SERGEF: variants seen among roughly 807,000 people sequenced by gnomAD.
SERGEF encodes the protein secretion-regulating guanine nucleotide exchange factor.
SERGEF carries 51 observed loss-of-function variants against 50.0 expected under a neutral mutation model. The ratio of observed to expected loss-of-function variants is 1.02; its 90% CI spans 0.81 to 1.29. The LOEUF is 1.29. Ranked by LOEUF, SERGEF falls within the 50% of genes most tolerant of loss-of-function variation. The pLI is 0.00. For missense variants in SERGEF, 521 were observed against 557.0 expected (o/e 0.94, Z 0.65); for synonymous variants, 205 against 212.4 (o/e 0.97, Z 0.30).
At chr11:17,827,355 C>A (rs1486353389) in intron 10 of SERGEF, among the ~76,000 whole-genome samples, 2 of 152,158 alleles carry the variant, frequency 1.3e-5, no homozygotes, top group Admixed American at 6.5e-5. Context: ...ACAGAGAACA[C>A]AAAGTAAGCT....
Position 17,788,153 on chromosome 11 carries a change from A to G in SERGEF, c.1309T>C (p.Trp437Arg). Residue 437 changes from tryptophan to arginine, a missense_variant, in exon 11 of 11, where the codon TGG (tryptophan) becomes CGG (arginine). Transcript: ENST00000265965. ...GAAGTTTCTGATTGTCTTTCCTTCCAGTTTCTCTCTTTGTCCATGGCTTTC... is the reference window on the plus strand; with the variant it reads ...GAAGTTTCTGATTGTCTTTCCTTCCGGTTTCTCTCTTTGTCCATGGCTTTC... The part of the protein sequence containing the change: ...SQKAMDKERN[W>R]KERQSETSTQ... The G allele has an allele frequency of 2.5e-6, 4 of 1,584,854 alleles. No homozygotes were observed. The highest frequency in any genetic ancestry group is 1.3e-5 in the African/African-American group (1 of 74,284).
intron 9 of SERGEF, among the ~76,000 whole-genome samples, chr11:17,920,494 A>C (rs1852133939): frequency 6.6e-6 from 1 of 152,214 alleles, no homozygotes; most frequent in South Asian, 2.1e-4. Context: ...TGTGCTCAAT[A>C]AATTCAATGA....
chr11:17,877,441 A>T (rs1293738774), intron 10 of SERGEF, among the ~76,000 whole-genome samples: 1 of 152,250 alleles, frequency 6.6e-6, no homozygotes, highest in African/African-American at 2.4e-5. Flanking sequence ...TGTGCTTTAC[A>T]TAACTTATCC....
chr11:17,940,036 C>G (rs1852531567), intron 9 of SERGEF, among the ~76,000 whole-genome samples: 1 of 152,094 alleles, frequency 6.6e-6, no homozygotes, highest in African/African-American at 2.4e-5. Context: ...CCAGAAAAAC[C>G]TTTCTAATAA....
chr11:18,006,988 G>A (rs1225623405), intron 2 of SERGEF, among the ~76,000 whole-genome samples: 1 of 152,192 alleles, frequency 6.6e-6, no homozygotes, highest in Non-Finnish European at 1.5e-5. Context: ...ACCAAACTGA[G>A]CATCTACTGG....
chr11:17,995,331 G>C (rs960566179), intron 6 of SERGEF, among the ~76,000 whole-genome samples: 5 of 152,190 alleles, frequency 3.3e-5, no homozygotes, highest in Admixed American at 1.3e-4. Flanking sequence ...TGGTCCTCCT[G>C]GGTTCCCTCT....
rs185302502 is a variant in SERGEF at position 17,796,090 on chromosome 11, C to T, written c.1049-7677G>A. Among the ~76,000 whole-genome samples the T allele has an allele frequency of 2.2e-3, 333 of 152,270 alleles. 1 individual carries two copies. Among genetic ancestry groups the T allele is most frequent in the Non-Finnish European group, 3.3e-3 (224 of 68,020 alleles). On this transcript the variant is annotated intron_variant, in intron 10 of 10. Transcript: ENST00000265965. ...AATTGAGAACAGTCTCTGACAAAGACAGGGAGAAATGGGGGAAGGGTGACC... is the reference window on the plus strand; with the variant it reads ...AATTGAGAACAGTCTCTGACAAAGATAGGGAGAAATGGGGGAAGGGTGACC...
At position 17,897,155 on chromosome 11, in the gene SERGEF, G is replaced by T. The variant is rs138578034; in HGVS notation, c.1012-18911C>A. Among the ~76,000 whole-genome samples the T allele has an allele frequency of 5.1e-3, 772 of 152,296 alleles. 4 individuals are homozygous for T. The highest frequency in any genetic ancestry group is 0.017 in the Middle Eastern group (5 of 294). On this transcript the variant is annotated intron_variant, in intron 9 of 10. Transcript: ENST00000265965. ...GACCATTGCTGGGTTTGAAGATGTG[G>T]TGCTACATAAAAGAACTGGAGAGCA...
At chr11:17,941,691 G>A (rs1187130256) in intron 9 of SERGEF, among the ~76,000 whole-genome samples, 1 of 152,122 alleles carries the variant, frequency 6.6e-6, no homozygotes, top group African/African-American at 2.4e-5. Flanking sequence ...TATTTTTAAT[G>A]CTCTGAGGAA....
intron 9 of SERGEF, chr11:17,926,636 C>T (rs1050684346): frequency 4.9e-6 from 2 of 406,488 alleles, no homozygotes; most frequent in African/African-American, 2.1e-5. Flanking sequence ...GAAACCATGC[C>T]CTCCTTTATG....
At chr11:17,841,801 CCTT>C (rs1325813055) in intron 10 of SERGEF, among the ~76,000 whole-genome samples, 1 of 152,188 alleles carries the variant, frequency 6.6e-6, no homozygotes, top group Admixed American at 6.5e-5. Flanking sequence ...ATCATATTGA[CCTT>C]CTCACTTCTT....
At chr11:17,980,074 G>A (rs1034910165) in intron 8 of SERGEF, among the ~76,000 whole-genome samples, 7 of 152,192 alleles carry the variant, frequency 4.6e-5, no homozygotes, top group African/African-American at 1.4e-4. Flanking sequence ...CCAAGTGCAG[G>A]GGAGCGGGAG....
chr11:17,803,971 G>C (rs1034657962), intron 10 of SERGEF, among the ~76,000 whole-genome samples: 1 of 152,178 alleles, frequency 6.6e-6, no homozygotes, highest in African/African-American at 2.4e-5. Flanking sequence ...TTTGTTTTCT[G>C]GCACGGTTGC....
intron 10 of SERGEF, among the ~76,000 whole-genome samples, chr11:17,800,143 T>A (rs1029423039): frequency 6.6e-6 from 1 of 152,192 alleles, no homozygotes; most frequent in African/African-American, 2.4e-5. Flanking sequence ...TTAATATATA[T>A]TAATGAATTT....
rs34405044 is a variant in SERGEF, at chr11:17,890,926, A to G, written c.1012-12682T>C. 4.4e-3 allele frequency among the ~76,000 whole-genome samples: 670 copies of G among 152,286 alleles called. 3 individuals carry two copies. Among genetic ancestry groups the G allele is most frequent in the Non-Finnish European group, 6.8e-3 (461 of 68,018 alleles). Reference sequence around the variant, plus strand: ...GGTTCCCACTGGCTAAATATAAGACAATTTGAGCATCAAAATAAATAATGA... The same window carrying G: ...GGTTCCCACTGGCTAAATATAAGACGATTTGAGCATCAAAATAAATAATGA... On this transcript the variant is annotated intron_variant, in intron 9 of 10. Coordinates refer to ENST00000265965, the MANE Select transcript of SERGEF (RefSeq NM_012139.4).
intron 9 of SERGEF, among the ~76,000 whole-genome samples, chr11:17,913,520 G>A (rs756750167): frequency 2.0e-4 from 31 of 152,286 alleles, no homozygotes; most frequent in Non-Finnish European, 3.5e-4. Context: ...GACACATACT[G>A]CTATTGTAAG....
At chr11:17,827,224 G>C (rs1185359116) in intron 10 of SERGEF, among the ~76,000 whole-genome samples, 1 of 152,144 alleles carries the variant, frequency 6.6e-6, no homozygotes, top group African/African-American at 2.4e-5. Flanking sequence ...ATGATAAGAG[G>C]AAACTGGAGG....
At chr11:17,955,161 T>C (rs577010583) in intron 9 of SERGEF, among the ~76,000 whole-genome samples, 9 of 152,368 alleles carry the variant, frequency 5.9e-5, no homozygotes, top group Middle Eastern at 6.8e-3. Context: ...GCTAAACTCC[T>C]ATGCATTTTT....
chr11:17,963,510 C>T (rs1181727700), intron 8 of SERGEF, among the ~76,000 whole-genome samples: 1 of 151,848 alleles, frequency 6.6e-6, no homozygotes, highest in African/African-American at 2.4e-5. Flanking sequence ...GCCTCAGCCT[C>T]CTGAGTAGCT....
Sources: allele counts gnomAD v4.1 joint callset (sites outside exome capture counted in the v4.1 genomes callset), GRCh38; gene constraint gnomAD v4.1.1; transcripts MANE v1.5; gene names NCBI Gene and HGNC (gene_info 2026-07-23, HGNC 2026-07-21).